Variants in KLRG2 observed in about 807,000 individuals in gnomAD.
The protein encoded by KLRG2 is killer cell lectin-like receptor subfamily G member 2.
KLRG2 carries 39 observed loss-of-function variants against 35.4 expected under a neutral mutation model. That is an observed-to-expected ratio of 1.10 (90% CI 0.85 to 1.44). KLRG2 has a LOEUF of 1.44. Ranked by LOEUF, KLRG2 falls within the 40% of genes most tolerant of loss-of-function variation. The pLI is 0.00. For synonymous variants in KLRG2, 283 were observed against 265.8 expected, an observed-to-expected ratio of 1.06 and a Z score of -0.63; for missense variants, 632 against 570.9, an observed-to-expected ratio of 1.11 and a Z score of -1.09.
chr7:139,461,309 T>G (rs1195436402), intron 3 of KLRG2, among the ~76,000 whole-genome samples: 1 of 151,936 alleles, frequency 6.6e-6, no homozygotes, highest in Non-Finnish European at 1.5e-5. Context: ...AGTGTTGGGG[T>G]GGGGCTTCTG....
At chr7:139,451,210 A>G (rs1796370999), downstream of KLRG2, among the ~76,000 whole-genome samples, 1 of 152,192 alleles carries the variant, frequency 6.6e-6, no homozygotes, top group Non-Finnish European at 1.5e-5. Flanking sequence ...ACAATTTGTT[A>G]TAAAGCAGGC....
intron 3 of KLRG2, among the ~76,000 whole-genome samples, chr7:139,470,375 A>G (rs1446035909): frequency 1.3e-5 from 2 of 152,216 alleles, no homozygotes; most frequent in Non-Finnish European, 2.9e-5. Context: ...AGCAATTCTA[A>G]GACTATTTCC....
downstream of KLRG2, among the ~76,000 whole-genome samples, chr7:139,447,969 G>A (rs1030162778): frequency 1.1e-4 from 16 of 152,036 alleles, no homozygotes; most frequent in Admixed American, 4.6e-4. Flanking sequence ...AATGGACTTC[G>A]TGGAAAAACA....
the KLRG2 span, among the ~76,000 whole-genome samples, chr7:139,427,186 A>T: frequency 6.6e-6 from 1 of 152,164 alleles, no homozygotes; most frequent in African/African-American, 2.4e-5. Flanking sequence ...GAGGCCGAGT[A>T]GGGGAGAGCA....
chr7:139,436,390 G>A, the KLRG2 span, among the ~76,000 whole-genome samples: 13 of 152,072 alleles, frequency 8.5e-5, no homozygotes, highest in Non-Finnish European at 1.6e-4. Context: ...CAATGTGGAC[G>A]TTTCCACACT....
chr7:139,450,041 TTTTG>T (rs1326268880), downstream of KLRG2, among the ~76,000 whole-genome samples: 2 of 151,344 alleles, frequency 1.3e-5, no homozygotes, highest in African/African-American at 2.4e-5. Context: ...TAACAATTTT[TTTTG>T]TTTGTTTTTG....
chr7:139,432,004 T>C, the KLRG2 span, among the ~76,000 whole-genome samples: 1 of 151,726 alleles, frequency 6.6e-6, no homozygotes, highest in Non-Finnish European at 1.5e-5. Flanking sequence ...ATGAATATGG[T>C]GTTTTTTAAA....
downstream of KLRG2, among the ~76,000 whole-genome samples, chr7:139,451,029 C>T (rs569575575): frequency 6.6e-6 from 1 of 152,292 alleles, no homozygotes; most frequent in Admixed American, 6.5e-5. Flanking sequence ...ACTAAGGCCC[C>T]AGCTAGGAGC....
the KLRG2 span, among the ~76,000 whole-genome samples, chr7:139,440,157 T>A: frequency 6.6e-6 from 1 of 152,180 alleles, no homozygotes; most frequent in Non-Finnish European, 1.5e-5. Context: ...TCGCCCAGGC[T>A]GGAGTGCAGT....
At chr7:139,448,068 C>T (rs1254113585), downstream of KLRG2, among the ~76,000 whole-genome samples, 4 of 152,134 alleles carry the variant, frequency 2.6e-5, no homozygotes, top group Admixed American at 6.6e-5. Context: ...AATCATGGCT[C>T]ACTGCAGCCT....
At chr7:139,474,840 T>G (rs188818420) in intron 3 of KLRG2, among the ~76,000 whole-genome samples, 1 of 152,224 alleles carries the variant, frequency 6.6e-6, no homozygotes, top group Non-Finnish European at 1.5e-5. Context: ...CCCATAGCCC[T>G]TGACACAGGA....
chr7:139,450,041 T>G (rs1334568562), downstream of KLRG2, among the ~76,000 whole-genome samples: 1 of 151,344 alleles, frequency 6.6e-6, no homozygotes, highest in African/African-American at 2.4e-5. Context: ...TAACAATTTT[T>G]TTTGTTTGTT....
the KLRG2 span, among the ~76,000 whole-genome samples, chr7:139,429,981 G>A: frequency 1.3e-5 from 2 of 151,958 alleles, no homozygotes; most frequent in Admixed American, 6.6e-5. Flanking sequence ...CCCCCATATG[G>A]GTGTTTTTAA....
At chr7:139,482,096 C>A (rs540787319) in intron 1 of KLRG2, among the ~76,000 whole-genome samples, 3 of 152,264 alleles carry the variant, frequency 2.0e-5, no homozygotes, top group Admixed American at 6.6e-5. Flanking sequence ...TAACCAGCCG[C>A]ACATACTACT....
At chr7:139,478,445 G>A (rs988387525) in intron 3 of KLRG2, among the ~76,000 whole-genome samples, 4 of 151,568 alleles carry the variant, frequency 2.6e-5, no homozygotes, top group Non-Finnish European at 4.4e-5. Context: ...CGAGGCGGGC[G>A]GATTACCTGA....
chr7:139,431,076 A>G, the KLRG2 span, among the ~76,000 whole-genome samples: 1 of 150,330 alleles, frequency 6.7e-6, no homozygotes, highest in Admixed American at 6.6e-5. Context: ...TTACTGACAC[A>G]AGCAGCAACA....
rs538203577 is a variant in KLRG2, at chr7:139,453,648, G to C, written c.1169C>G (p.Thr390Arg). The change falls in exon 5 of 5, where the codon ACG (threonine) becomes AGG (arginine). Residue 390 changes from threonine to arginine, a missense_variant. Physicochemically the swap from Thr to Arg is moderately conservative, Grantham distance 71. Coordinates refer to ENST00000340940, the MANE Select transcript of KLRG2 (RefSeq NM_198508.4). Reference sequence around the variant, plus strand: ...AGTGCTGCAGTTTGCAGCCACCAGCGTGCCTTCCTCCAGGGCCCCACAGTT... The same window carrying C: ...AGTGCTGCAGTTTGCAGCCACCAGCCTGCCTTCCTCCAGGGCCCCACAGTT... ...DINCGALEEG[T>R]LVAANCSTPR... 1.2e-6 allele frequency: 2 copies of C among 1,613,948 alleles called. No individual in the cohort carries two copies. Among genetic ancestry groups the C allele is most frequent in the Admixed American group, 3.3e-5 (2 of 59,982 alleles).
chr7:139,436,472 G>A, the KLRG2 span, among the ~76,000 whole-genome samples: 1 of 152,122 alleles, frequency 6.6e-6, no homozygotes, highest in African/African-American at 2.4e-5. Flanking sequence ...GTCCTTCCTT[G>A]GGACTAGTTT....
At chr7:139,440,814 C>T in the KLRG2 span, among the ~76,000 whole-genome samples, 2 of 152,128 alleles carry the variant, frequency 1.3e-5, no homozygotes, top group Admixed American at 1.3e-4. Flanking sequence ...GGAATTAGGA[C>T]TTCAACATTT....
Sources: allele counts gnomAD v4.1 joint callset (sites outside exome capture counted in the v4.1 genomes callset), GRCh38; gene constraint gnomAD v4.1.1; transcripts MANE v1.5; gene names NCBI Gene and HGNC (gene_info 2026-07-23, HGNC 2026-07-21).